CCDC7: variants seen among roughly 807,000 people sequenced by gnomAD.
The protein encoded by CCDC7 is coiled-coil domain containing 7, also known as coiled-coil domain-containing protein 7.
Under a neutral mutation model 196.9 loss-of-function variants are expected in CCDC7, and 183 were observed. The observed-to-expected ratio is 0.93, with a 90% CI of 0.82 to 1.05. The LOEUF is 1.05. CCDC7 is among the 50% of genes least tolerant of loss of function. The pLI, the probability that CCDC7 is intolerant of heterozygous loss-of-function variation, is 0.00. For missense variants in CCDC7, 1,540 were observed against 1,482.2 expected (o/e 1.04, Z -0.64); for synonymous variants, 525 against 484.6 (o/e 1.08, Z -1.10).
At chr10:32,760,168 A>G (rs2077201181) in intron 28 of CCDC7, among the ~76,000 whole-genome samples, 1 of 151,500 alleles carries the variant, frequency 6.6e-6, no homozygotes, top group African/African-American at 2.4e-5. Flanking sequence ...TAGTTCAACC[A>G]TTGTGGAAGT....
At chr10:32,772,151 C>A (rs12245906) in intron 28 of CCDC7, among the ~76,000 whole-genome samples, 15,928 of 152,216 alleles carry the variant, frequency 0.1, 1,030 homozygotes, top group South Asian at 0.25. Context: ...AAGCAGCAAC[C>A]CCTGTGGGTG....
chr10:32,813,684 T>C (rs1245274998), intron 30 of CCDC7, among the ~76,000 whole-genome samples: 2 of 152,226 alleles, frequency 1.3e-5, no homozygotes, highest in African/African-American at 2.4e-5. Context: ...ACTTGAAAGA[T>C]ACATTATCAT....
intron 18 of CCDC7, among the ~76,000 whole-genome samples, chr10:32,598,866 GA>G (rs1446750631): frequency 1.3e-5 from 2 of 152,168 alleles, no homozygotes; most frequent in African/African-American, 4.8e-5. Flanking sequence ...ATGTACACTA[GA>G]AAAAAATTGT....
chr10:32,474,160 A>G (rs2038498707), intron 8 of CCDC7, 137 bp downstream of exon 9: 1 of 646,944 alleles, frequency 1.5e-6, no homozygotes, highest in Non-Finnish European at 2.3e-6. Context: ...CTGGTTGTCA[A>G]GCAAGTATTG....
At chr10:32,520,419 G>A (rs531855052) in intron 11 of CCDC7, among the ~76,000 whole-genome samples, 68 of 152,004 alleles carry the variant, frequency 4.5e-4, no homozygotes, top group African/African-American at 1.5e-3. Context: ...TTTTAACTGG[G>A]GCAAGATGAT....
At chr10:32,682,509 C>T (rs10827102) in intron 21 of CCDC7, among the ~76,000 whole-genome samples, 50,941 of 152,082 alleles carry the variant, frequency 0.33, 9,262 homozygotes, top group African/African-American at 0.48. Context: ...CTTTTGGGGT[C>T]ATTCCCAGTA....
Position 32,565,568 on chromosome 10 carries a change from G to A in CCDC7, c.1145G>A (p.Arg382His), listed in dbSNP as rs145774668. 48 of 1,608,330 alleles carry A rather than the reference G, an allele frequency of 3.0e-5. 1 individual carries two copies. The Middle Eastern group carries it at 1.7e-3, about 56-fold the overall frequency. Residue 382 changes from arginine (R) to histidine (H), a missense_variant, in exon 14 of 42, where the codon CGT (arginine) becomes CAT (histidine). Physicochemically the swap from Arg to His is conservative, Grantham distance 29. Transcript: ENST00000639629. ...CTTCTTACTTCCTAGAAAGTAGCAC[G>A]TCTGGAAATTGAGAACAAAGTCCTT... is the stretch of plus-strand genomic sequence containing the variant.
chr10:32,511,254 T>TG (rs1167793491), intron 9 of CCDC7: 64 of 593,866 alleles, frequency 1.1e-4, no homozygotes, highest in Middle Eastern at 4.4e-4. Flanking sequence ...AATTATTCTG[T>TG]GGGGGGCGGG....
intron 28 of CCDC7, among the ~76,000 whole-genome samples, chr10:32,759,154 A>T (rs1396971424): frequency 6.6e-6 from 1 of 152,230 alleles, no homozygotes; most frequent in African/African-American, 2.4e-5. Flanking sequence ...ATATTGTGAA[A>T]ATGGCCATAC....
At chr10:32,761,343 A>C (rs1242563563) in intron 28 of CCDC7, among the ~76,000 whole-genome samples, 1 of 152,010 alleles carries the variant, frequency 6.6e-6, no homozygotes, top group East Asian at 1.9e-4. Flanking sequence ...GAGAGCACTG[A>C]TACCGTGGCA....
chr10:32,463,025 G>T, exon 5 of CCDC7: 1 of 1,613,492 alleles, frequency 6.2e-7, no homozygotes, highest in Non-Finnish European at 8.5e-7. Flanking sequence ...AGTGGTTTCA[G>T]TGGCAGGTCA....
At chr10:32,462,841 T>A in intron 4 of CCDC7, 138 bp downstream of exon 5, 20 of 1,266,616 alleles carry the variant, frequency 1.6e-5, no homozygotes, top group Non-Finnish European at 2.1e-5. Flanking sequence ...AATTTTATGT[T>A]CATTTGTATA....
At chr10:32,495,782 T>C (rs1302602227) in intron 9 of CCDC7, among the ~76,000 whole-genome samples, 2 of 152,226 alleles carry the variant, frequency 1.3e-5, no homozygotes, top group African/African-American at 4.8e-5. Flanking sequence ...CCATGCTGTT[T>C]TGGTTACTGT....
At chr10:32,554,044 A>G (rs2136386349) in intron 13 of CCDC7, among the ~76,000 whole-genome samples, 1 of 152,114 alleles carries the variant, frequency 6.6e-6, no homozygotes, top group African/African-American at 2.4e-5. Context: ...GGAGTTGTGT[A>G]CCTAGGAGGG....
chr10:32,562,575 G>A (rs952089976), intron 13 of CCDC7, among the ~76,000 whole-genome samples: 1 of 152,166 alleles, frequency 6.6e-6, no homozygotes, highest in Non-Finnish European at 1.5e-5. Flanking sequence ...AATAGATGCA[G>A]GAAAGGCCTT....
rs892121335 is a variant in CCDC7 at position 32,462,717 on chromosome 10, A to T, written c.477+14A>T. The T allele has an allele frequency of 2.1e-6, 3 of 1,462,008 alleles. No individual in the cohort carries two copies. The highest frequency in any genetic ancestry group is 2.8e-6 in the Non-Finnish European group (3 of 1,076,656). The allele number at this position is 1,462,008 out of a possible 1,614,324, so 90.6% of individuals were successfully genotyped here. A position where few individuals can be genotyped will look rare whatever the true frequency, so the allele number is the denominator to read the frequency against. On this transcript the variant is annotated intron_variant, in intron 4 of 41. Transcript: ENST00000639629. Reference sequence around the variant, plus strand: ...TCTCTTTTTAAGGTACGTTCAATATATTACAGCTTAAGCCTACTAAAACTT... The same window carrying T: ...TCTCTTTTTAAGGTACGTTCAATATTTTACAGCTTAAGCCTACTAAAACTT...
At chr10:32,570,092 A>C (rs2057367293) in intron 15 of CCDC7, among the ~76,000 whole-genome samples, 1 of 152,054 alleles carries the variant, frequency 6.6e-6, no homozygotes, top group African/African-American at 2.4e-5. Context: ...TAACTTACTG[A>C]ATTTTTCTGT....
chr10:32,551,976 G>C (rs113507809), intron 13 of CCDC7, among the ~76,000 whole-genome samples: 24 of 152,118 alleles, frequency 1.6e-4, no homozygotes, highest in African/African-American at 5.8e-4. Context: ...TTGATGGCCT[G>C]TCTTGTACTG....
intron 13 of CCDC7, among the ~76,000 whole-genome samples, chr10:32,548,771 C>A (rs2052944444): frequency 6.6e-6 from 1 of 152,154 alleles, no homozygotes; most frequent in Non-Finnish European, 1.5e-5. Context: ...AGTAGTATTC[C>A]ATCATATAAA....
Sources: gnomAD v4.1 joint callset for allele counts (sites outside exome capture counted in the v4.1 genomes callset) on GRCh38, gnomAD v4.1.1 for gene constraint, MANE v1.5 for transcripts, NCBI Gene and HGNC (gene_info 2026-07-23, HGNC 2026-07-21) for gene names.